Variants in BMPER observed in about 807,000 individuals in gnomAD.
The protein encoded by BMPER is BMP binding endothelial regulator, also known as BMP-binding endothelial regulator protein.
Under a neutral mutation model 87.3 loss-of-function variants are expected in BMPER, and 45 were observed. That is an observed-to-expected ratio of 0.52 (90% confidence interval 0.41 to 0.66). BMPER has a LOEUF of 0.66. BMPER is among the 30% of genes least tolerant of loss of function. The pLI, the probability that BMPER is intolerant of heterozygous loss-of-function variation, is 0.00. For synonymous variants in BMPER, 326 were observed against 316.2 expected (o/e 1.03, Z -0.33); for missense variants, 784 against 867.5 (o/e 0.90, Z 1.21).
At chr7:33,987,686 T>C (rs1038285805) in intron 6 of BMPER, among the ~76,000 whole-genome samples, 18 of 152,108 alleles carry the variant, frequency 1.2e-4, no homozygotes, top group African/African-American at 3.4e-4. Context: ...TTTTTTTTTT[T>C]CCTCTTGTGC....
At chr7:34,024,366 A>C (rs1787282790) in intron 6 of BMPER, among the ~76,000 whole-genome samples, 1 of 95,006 alleles carries the variant, frequency 1.1e-5, no homozygotes, top group Non-Finnish European at 1.9e-5. Context: ...TCAAAAAAAA[A>C]AAAAAAAAAA....
intron 14 of BMPER, among the ~76,000 whole-genome samples, chr7:34,149,424 T>C (rs1047462749): frequency 6.6e-6 from 1 of 152,140 alleles, no homozygotes; most frequent in African/African-American, 2.4e-5. Flanking sequence ...AGAAACCTAT[T>C]TGAAGTGGGG....
chr7:34,090,356 CCTT>C (rs1024264257), intron 13 of BMPER, among the ~76,000 whole-genome samples: 1 of 152,122 alleles, frequency 6.6e-6, no homozygotes, highest in African/African-American at 2.4e-5. Context: ...TGTGTTCTTG[CCTT>C]CTTTCTCCTT....
intron 3 of BMPER, among the ~76,000 whole-genome samples, chr7:33,950,623 G>A (rs929078535): frequency 6.6e-6 from 1 of 151,582 alleles, no homozygotes; most frequent in Non-Finnish European, 1.5e-5. Flanking sequence ...TTTATGGCTT[G>A]TAGACCCTTT....
At chr7:33,907,964 A>G (rs1201042215) in intron 2 of BMPER, among the ~76,000 whole-genome samples, 1 of 152,250 alleles carries the variant, frequency 6.6e-6, no homozygotes, top group African/African-American at 2.4e-5. Flanking sequence ...GGCTGTATCA[A>G]ACAATTATCA....
chr7:33,948,318 A>G (rs937306646), intron 3 of BMPER, among the ~76,000 whole-genome samples: 5 of 152,332 alleles, frequency 3.3e-5, no homozygotes, highest in East Asian at 1.9e-4. Flanking sequence ...CAATCCTCCA[A>G]TCTTAGGCTT....
chr7:33,970,648 C>T (rs1332240430), intron 5 of BMPER, among the ~76,000 whole-genome samples: 2 of 152,158 alleles, frequency 1.3e-5, no homozygotes, highest in Non-Finnish European at 2.9e-5. Context: ...GGCTCCGAGG[C>T]CTGCTTTCCA....
chr7:33,963,137 T>A (rs1363634172), intron 3 of BMPER, among the ~76,000 whole-genome samples: 1 of 152,220 alleles, frequency 6.6e-6, no homozygotes, highest in Non-Finnish European at 1.5e-5. Flanking sequence ...GCAAATTTTC[T>A]CATCTGTAAA....
chr7:34,116,548 G>A (rs1445063450), intron 13 of BMPER, among the ~76,000 whole-genome samples: 1 of 152,198 alleles, frequency 6.6e-6, no homozygotes, highest in Non-Finnish European at 1.5e-5. Flanking sequence ...AGAGAATTGT[G>A]AGACCCTTAG....
At chr7:33,919,066 G>T (rs1353085208) in intron 2 of BMPER, among the ~76,000 whole-genome samples, 2 of 152,078 alleles carry the variant, frequency 1.3e-5, no homozygotes, top group African/African-American at 4.8e-5. Context: ...GTGTGGGGGG[G>T]AATTGTTAAA....
chr7:34,081,332 C>G (rs555293474), intron 12 of BMPER, among the ~76,000 whole-genome samples: 7 of 152,334 alleles, frequency 4.6e-5, no homozygotes, highest in Non-Finnish European at 8.8e-5. Flanking sequence ...TTTATAAGCT[C>G]ATGTGATCAA....
rs141895549 is a variant in BMPER, at chr7:34,059,112, T to C, written c.1032+949T>C. Among the ~76,000 whole-genome samples the C allele has an allele frequency of 3.2e-3, 488 of 151,950 alleles. 2 individuals are homozygous for C. The highest frequency in any genetic ancestry group is 0.011 in the African/African-American group (452 of 41,426). On this transcript the variant is annotated intron_variant, in intron 10 of 14. Transcript: ENST00000649409. ...TCCCATAAAAGAAAAAAAAAGAAGA[T>C]ACAATAAGTAGACTTGAACATGGTC... is the stretch of plus-strand genomic sequence containing the variant.
chr7:34,054,447 G>A (rs1230851665), intron 8 of BMPER, among the ~76,000 whole-genome samples: 1 of 152,130 alleles, frequency 6.6e-6, no homozygotes, highest in Non-Finnish European at 1.5e-5. Context: ...TAATTTCTAT[G>A]TGCCAGGTAT....
At chr7:33,934,076 A>AC (rs1784544525) in intron 2 of BMPER, among the ~76,000 whole-genome samples, 1 of 152,214 alleles carries the variant, frequency 6.6e-6, no homozygotes, top group South Asian at 2.1e-4. Flanking sequence ...CACAGTGGTG[A>AC]CACATAGTGC....
intron 2 of BMPER, among the ~76,000 whole-genome samples, chr7:33,926,597 G>T (rs917882174): frequency 6.6e-6 from 1 of 152,214 alleles, no homozygotes; most frequent in South Asian, 2.1e-4. Context: ...GACACTAGTG[G>T]ATTAAAATTA....
chr7:34,065,822 C>G (rs1363633113), intron 11 of BMPER, among the ~76,000 whole-genome samples: 1 of 152,220 alleles, frequency 6.6e-6, no homozygotes, highest in Admixed American at 6.5e-5. Context: ...TATATGTCCA[C>G]TCTTACGTGT....
chr7:34,102,252 A>G (rs1219930117), intron 13 of BMPER, among the ~76,000 whole-genome samples: 1 of 152,074 alleles, frequency 6.6e-6, no homozygotes, highest in African/African-American at 2.4e-5. Flanking sequence ...TAGACAACAG[A>G]GCAAGTCTTT....
At chr7:34,026,662 C>T (rs928322038) in intron 6 of BMPER, among the ~76,000 whole-genome samples, 3 of 152,080 alleles carry the variant, frequency 2.0e-5, no homozygotes, top group African/African-American at 4.8e-5. Flanking sequence ...TTTATTTATA[C>T]AAGTGCTTTG....
chr7:34,002,435 G>A (rs1404240052), intron 6 of BMPER, among the ~76,000 whole-genome samples: 1 of 151,732 alleles, frequency 6.6e-6, no homozygotes, highest in East Asian at 1.9e-4. Flanking sequence ...ATGAAGTTTG[G>A]TAGGTTGTAT....
Sources: gnomAD v4.1 joint callset for allele counts (sites outside exome capture counted in the v4.1 genomes callset) on GRCh38, gnomAD v4.1.1 for gene constraint, MANE v1.5 for transcripts, NCBI Gene and HGNC (gene_info 2026-07-23, HGNC 2026-07-21) for gene names.